Variants in RNF213 observed in about 807,000 individuals in gnomAD.
RNF213 encodes the protein ring finger protein 213.
A neutral mutation model predicts 514.4 loss-of-function variants in RNF213; 341 were observed. The ratio of observed to expected loss-of-function variants is 0.66; its 90% CI spans 0.61 to 0.73. The LOEUF is 0.73. Among genes scored for constraint, RNF213 ranks in the 30% least tolerant of loss-of-function variants. RNF213 has a pLI of 0.00. For missense variants in RNF213, 5,767 were observed against 6,615.6 expected, an observed-to-expected ratio of 0.87 and a Z score of 4.45; for synonymous variants, 2,655 against 2,658.2, an observed-to-expected ratio of 1.00 and a Z score of 0.04.
Position 80,386,803 on chromosome 17 carries a change from G to C in RNF213, c.14834G>C (p.Arg4945Thr). Reference protein sequence around the residue: ...SNCQYQVEEGRETVQEFDLEK... With the variant: ...SNCQYQVEEGTETVQEFDLEK... ...TGCCAGTACCAGGTGGAGGAGGGCA[G>C]AGAGACCGTGCAGGAGTTCGATCTG... Residue 4945 changes from arginine (R) to threonine (T), a missense_variant, in exon 63 of 68, where the codon AGA (arginine) becomes ACA (threonine). Arg to Thr is a moderately conservative substitution (Grantham distance 71). Around this residue, in one of 13 missense-constraint regions of RNF213, gnomAD observed 1,245 missense variants for 1,339.0 expected, o/e 0.93. Coordinates refer to ENST00000582970, the MANE Select transcript of RNF213 (RefSeq NM_001256071.3). 6.2e-7 allele frequency: 1 copy of C among 1,614,244 alleles called. No homozygotes were observed. Among genetic ancestry groups the C allele is most frequent in the Non-Finnish European group, 8.5e-7 (1 of 1,180,040 alleles).
intron 1 of RNF213, among the ~76,000 whole-genome samples, chr17:80,261,240 G>T (rs1407381335): frequency 3.9e-5 from 6 of 152,200 alleles, no homozygotes; most frequent in East Asian, 3.9e-4. Flanking sequence ...GGCACGGGGG[G>T]TGTAGTGGAA....
intron 3 of RNF213, among the ~76,000 whole-genome samples, chr17:80,278,132 A>C (rs1045149000): frequency 1.3e-5 from 2 of 152,172 alleles, no homozygotes; most frequent in African/African-American, 4.8e-5. Flanking sequence ...AGACTGCCGG[A>C]GCCAGGGGTC....
chr17:80,262,246 CCTT>C (rs1039745593), intron 1 of RNF213, among the ~76,000 whole-genome samples: 4 of 151,834 alleles, frequency 2.6e-5, no homozygotes, highest in South Asian at 2.1e-4. Context: ...TTTAAACTCT[CCTT>C]CTACTCTGAA....
At chr17:80,309,535 A>G (rs548684524) in intron 14 of RNF213, among the ~76,000 whole-genome samples, 2 of 152,260 alleles carry the variant, frequency 1.3e-5, no homozygotes, top group East Asian at 3.9e-4. Flanking sequence ...GTTTGCAGAG[A>G]ACTACGGGGA....
At chr17:80,306,127 C>G in intron 11 of RNF213, 125 bp from the exon 12 acceptor site, 1 of 952,244 alleles carries the variant, frequency 1.1e-6, no homozygotes, top group Non-Finnish European at 1.7e-6. Context: ...CACGCCTGCC[C>G]TCAAGTAGTA....
chr17:80,353,492 C>G lies in RNF213; in HGVS notation c.10424-20C>G, dbSNP rs1568118164. On this transcript the variant is annotated intron_variant, in intron 33 of 67. Transcript: ENST00000582970. This position sits in a 1 kb window ranked among gnomAD's most constrained non-coding sequence, Gnocchi z 5.0. The stretch of plus-strand genomic sequence containing the variant: ...GCCACCTTCTGAGTGGTAACGCAAT[C>G]ACGTTTGCTTCGACTGCAGTGGGCT... 1.3e-6 allele frequency: 2 copies of G among 1,596,718 alleles called. No individual in the cohort carries two copies. The highest frequency in any genetic ancestry group is 1.7e-6 in the Non-Finnish European group (2 of 1,171,634).
Position 80,369,547 on chromosome 17 carries a change from T to C in RNF213, c.12201T>C (p.Ser4067=), listed in dbSNP as rs557365179. The C allele has an allele frequency of 7.8e-5, 126 of 1,614,170 alleles. 1 individual carries two copies. The South Asian group carries it at 1.3e-3, about 17-fold the overall frequency. ...KHARFRQMCN[S]FFVDLVSTIC... The stretch of plus-strand genomic sequence containing the variant: ...CCCGCTTCCGGCAGATGTGCAACAG[T>C]TTCTTCGTAGACCTGGTGTCCACCA... The change falls in exon 45 of 68, where the codon AGT becomes AGC. Residue 4067 remains serine, a synonymous_variant. Transcript: ENST00000582970.
chr17:80,269,456 TCATC>T (rs1226846041), intron 2 of RNF213, among the ~76,000 whole-genome samples: 28 of 149,012 alleles, frequency 1.9e-4, no homozygotes, highest in Admixed American at 1.9e-3. Context: ...ATCCATCTAT[TCATC>T]CATCCATTCA....
At chr17:80,305,749 T>C (rs941356024) in intron 11 of RNF213, among the ~76,000 whole-genome samples, 7 of 151,818 alleles carry the variant, frequency 4.6e-5, no homozygotes, top group African/African-American at 1.7e-4. Flanking sequence ...GTAGCTGGGA[T>C]TACAGGATTA....
rs568391607 is a variant in RNF213, at chr17:80,388,809, G to A, written c.15000+120G>A. ...TTTGCTGTGAGCCCACAGTTTCTGC[G>A]GCCTCCCTTACAGAGAGCAAGCAAG... is the stretch of plus-strand genomic sequence containing the variant. On this transcript the variant is annotated intron_variant, in intron 64 of 67. Coordinates refer to ENST00000582970, the MANE Select transcript of RNF213 (RefSeq NM_001256071.3). 5.3e-5 allele frequency: 44 copies of A among 833,640 alleles called. No individual in the cohort carries two copies. In the Admixed American group the frequency reaches 6.4e-4, roughly 12 times the overall value. The allele number at this position is 833,640 out of a possible 1,614,324, so 51.6% of individuals were successfully genotyped here. A position where few individuals can be genotyped will look rare whatever the true frequency, so the allele number is the denominator to read the frequency against.
At chr17:80,388,374 C>T (rs187760608) in intron 63 of RNF213, among the ~76,000 whole-genome samples, 35 of 152,250 alleles carry the variant, frequency 2.3e-4, no homozygotes, top group Non-Finnish European at 4.7e-4. Flanking sequence ...AAGCAGGCCA[C>T]GATGATGTGA....
At chr17:80,293,888 G>A (rs2044837460) in intron 8 of RNF213, among the ~76,000 whole-genome samples, 1 of 152,008 alleles carries the variant, frequency 6.6e-6, no homozygotes, top group Non-Finnish European at 1.5e-5. Context: ...TCCACAAGGA[G>A]GTGATGACCG....
chr17:80,318,181 AG>A (rs1260984126), intron 16 of RNF213, among the ~76,000 whole-genome samples: 2 of 152,146 alleles, frequency 1.3e-5, no homozygotes, highest in Admixed American at 6.5e-5. Flanking sequence ...GGCACAAGAT[AG>A]GGGGCAGGGT....
chr17:80,313,396 G>A (rs1487112827), intron 15 of RNF213, among the ~76,000 whole-genome samples: 4 of 151,756 alleles, frequency 2.6e-5, no homozygotes, highest in Non-Finnish European at 4.4e-5. Flanking sequence ...TCCCCTGGCC[G>A]GGCACAGTCC....
chr17:80,375,713 G>A (rs377673564), intron 50 of RNF213, 47 bp from the exon 51 acceptor site: 2 of 1,280,958 alleles, frequency 1.6e-6, no homozygotes, highest in East Asian at 2.3e-5. Flanking sequence ...AAAAAAAAAA[G>A]ATGTGTTGAG....
chr17:80,264,721 A>G lies in RNF213; in HGVS notation c.97+943A>G, dbSNP rs769483051. On this transcript the variant is annotated intron_variant, in intron 2 of 67. Coordinates refer to ENST00000582970, the MANE Select transcript of RNF213 (RefSeq NM_001256071.3). This position sits in a 1 kb window ranked among gnomAD's most constrained non-coding sequence, Gnocchi z 5.0. Reference sequence around the variant, plus strand: ...GCTCAGCACAGCAGACAGTCAAACCACAGACCCCCTTACAAGATCCGCCCC... The same window carrying G: ...GCTCAGCACAGCAGACAGTCAAACCGCAGACCCCCTTACAAGATCCGCCCC... 2.0e-5 allele frequency among the ~76,000 whole-genome samples: 3 copies of G among 151,714 alleles called. No individual in the cohort carries two copies. Among genetic ancestry groups the G allele is most frequent in the Admixed American group, 1.3e-4 (2 of 15,216 alleles).
At chr17:80,391,760 CTTTTTTTTTTT>C (rs779136667) in intron 67 of RNF213, among the ~76,000 whole-genome samples, 1 of 88,622 alleles carries the variant, frequency 1.1e-5, no homozygotes, top group Non-Finnish European at 2.3e-5. Flanking sequence ...ATAAACTAGC[CTTTTTTTTTTT>C]TTTTTTTTTT....
rs1182314906 is a variant in RNF213 at position 80,287,943 on chromosome 17, C to T, written c.390C>T (p.Asp130=). The T allele has an allele frequency of 6.4e-7, 1 of 1,569,540 alleles. No homozygotes were observed. Among genetic ancestry groups the T allele is most frequent in the Non-Finnish European group, 8.6e-7 (1 of 1,157,306 alleles). ...LTLLSNPWPQ[D]TALPHSQAQQ... is the part of the protein sequence containing the mutation. ...TGCTTTCAAACCCGTGGCCTCAGGA[C>T]ACAGCCCTGCCCCACAGCCAAGCCC... Residue 130 remains aspartate (D), a synonymous_variant, in exon 4 of 68, where the codon GAC becomes GAT. Coordinates refer to ENST00000582970, the MANE Select transcript of RNF213 (RefSeq NM_001256071.3).
At chr17:80,314,303 C>T (rs1383980274) in intron 15 of RNF213, among the ~76,000 whole-genome samples, 3 of 30,326 alleles carry the variant, frequency 9.9e-5, no homozygotes, top group Non-Finnish European at 1.7e-4. Context: ...TGGTGGTGGA[C>T]GTGATGGTGG....
Sources: gnomAD v4.1 joint callset for allele counts (sites outside exome capture counted in the v4.1 genomes callset) on GRCh38, gnomAD v4.1.1 for gene constraint, gnomAD v4.1.1 regional missense constraint, Gnocchi (gnomAD v3.1) non-coding constraint, MANE v1.5 for transcripts, NCBI Gene and HGNC (gene_info 2026-07-23, HGNC 2026-07-21) for gene names.